SOCS4: variants seen among roughly 807,000 people sequenced by gnomAD.
The protein encoded by SOCS4 is suppressor of cytokine signaling 4.
Under a neutral mutation model 34.1 loss-of-function variants are expected in SOCS4, and 20 were observed. The ratio of observed to expected loss-of-function variants is 0.59; its 90% confidence interval spans 0.41 to 0.85. The LOEUF (loss-of-function observed/expected upper bound fraction) is 0.85, where lower values mean the gene tolerates loss of function less well. Ranked by LOEUF, SOCS4 falls within the 40% of genes least tolerant of loss-of-function variation. SOCS4 has a pLI of 0.00. For missense variants in SOCS4, 479 were observed against 532.4 expected, an observed-to-expected ratio of 0.90 and a Z score of 0.99; for synonymous variants, 180 against 186.4, an observed-to-expected ratio of 0.97 and a Z score of 0.28.
chr14:55,044,320 A>G lies in SOCS4; in HGVS notation c.1279A>G (p.Lys427Glu). Reference sequence around the variant, plus strand: ...TCTGAAGGAATATCATTATAAATCAAAAGTTAGAGTACTCAGGATTGATGC... The same window carrying G: ...TCTGAAGGAATATCATTATAAATCAGAAGTTAGAGTACTCAGGATTGATGC... ...LYLKEYHYKS[K>E]VRVLRIDAPE... is the part of the protein sequence containing the mutation. The change falls in exon 3 of 3, where the codon AAA (lysine) becomes GAA (glutamate). Residue 427 changes from lysine to glutamate, a missense_variant. By Grantham distance (56) the Lys-to-Glu change is moderately conservative. Transcript: ENST00000555846. 2 of 1,613,504 alleles carry G rather than the reference A, an allele frequency of 1.2e-6. No individual in the cohort carries two copies. The highest frequency in any genetic ancestry group is 1.7e-6 in the Non-Finnish European group (2 of 1,179,620).
At chr14:55,040,540 C>G (rs778192431) in intron 2 of SOCS4, among the ~76,000 whole-genome samples, 31 of 152,098 alleles carry the variant, frequency 2.0e-4, no homozygotes, top group Non-Finnish European at 4.0e-4. Flanking sequence ...GTCAGGAGAT[C>G]GAGACCATCC....
At position 55,044,338 on chromosome 14, in the gene SOCS4, A is replaced by T; in HGVS notation, c.1297A>T (p.Ile433Phe). The T allele has an allele frequency of 6.2e-7, 1 of 1,611,602 alleles. No individual in the cohort carries two copies. The highest frequency in any genetic ancestry group is 8.5e-7 in the Non-Finnish European group (1 of 1,178,430). Residue 433 changes from isoleucine to phenylalanine, a missense_variant, in exon 3 of 3, where the codon ATT (isoleucine) becomes TTT (phenylalanine). Ile to Phe is a conservative substitution (Grantham distance 21). Transcript: ENST00000555846. ...TAAATCAAAAGTTAGAGTACTCAGG[A>T]TTGATGCACCAGAACAGCAATGCTA... ...HYKSKVRVLRIDAPEQQC is the reference protein window; with the variant it reads ...HYKSKVRVLRFDAPEQQC
intron 2 of SOCS4, among the ~76,000 whole-genome samples, chr14:55,034,859 G>GT (rs755547542): frequency 0.027 from 3,502 of 131,660 alleles, 107 homozygotes; most frequent in African/African-American, 0.071. Flanking sequence ...CTCTCTCTCT[G>GT]TTTTTTTTTT....
intron 2 of SOCS4, among the ~76,000 whole-genome samples, chr14:55,037,214 G>A (rs927103306): frequency 6.6e-6 from 1 of 151,072 alleles, no homozygotes; most frequent in African/African-American, 2.4e-5. Context: ...GCATGATCTC[G>A]GCTCACCACA....
intron 2 of SOCS4, among the ~76,000 whole-genome samples, chr14:55,037,778 G>C (rs904274677): frequency 6.6e-6 from 1 of 152,208 alleles, no homozygotes; most frequent in African/African-American, 2.4e-5. Flanking sequence ...ACAGGCATGA[G>C]CCACTGTGCC....
chr14:55,041,720 G>A (rs10146096), intron 2 of SOCS4, among the ~76,000 whole-genome samples: 2,941 of 143,986 alleles, frequency 0.02, 91 homozygotes, highest in African/African-American at 0.072. Context: ...TGATCCACCC[G>A]CCTCAGCCTC....
At chr14:55,033,703 C>T (rs949948809) in intron 2 of SOCS4, among the ~76,000 whole-genome samples, 17 of 152,344 alleles carry the variant, frequency 1.1e-4, no homozygotes, top group African/African-American at 3.8e-4. Context: ...AGTTCAACAA[C>T]TTATGTAAGT....
intron 2 of SOCS4, among the ~76,000 whole-genome samples, chr14:55,033,950 A>G (rs561126389): frequency 3.1e-4 from 47 of 152,214 alleles, no homozygotes; most frequent in Non-Finnish European, 6.0e-4. Flanking sequence ...CCTGGCCAAC[A>G]TGGTGAAACC....
In SOCS4 at chr14:55,031,133, A is replaced by G. The variant is rs1266708096; in HGVS notation, c.-219-730A>G. 5.9e-5 allele frequency among the ~76,000 whole-genome samples: 9 copies of G among 152,218 alleles called. 1 individual carries two copies. Among genetic ancestry groups the G allele is most frequent in the Admixed American group, 5.9e-4 (9 of 15,280 alleles). On this transcript the variant is annotated intron_variant, in intron 1 of 2. Transcript: ENST00000555846. ...AAAATAAATCTGTTCAATCTAATTT[A>G]TTCCATAAAATGGTTCAGTATTATA...
At chr14:55,032,058 A>G (rs913977577) in intron 2 of SOCS4, 67 bp downstream of exon 2, 4 of 152,212 alleles carry the variant, frequency 2.6e-5, no homozygotes, top group African/African-American at 9.7e-5. Context: ...GAATAATAAT[A>G]TATTTGTGAA....
At chr14:55,033,712 G>A (rs1026956171) in intron 2 of SOCS4, among the ~76,000 whole-genome samples, 3 of 152,218 alleles carry the variant, frequency 2.0e-5, no homozygotes, top group African/African-American at 7.2e-5. Flanking sequence ...ACTTATGTAA[G>A]TACTTTGTCT....
Position 55,048,348 on chromosome 14 carries a change from A to G in SOCS4, c.*3984A>G, listed in dbSNP as rs947731350. On this transcript the variant is annotated 3_prime_UTR_variant, in exon 3 of 3. Coordinates refer to ENST00000555846, the MANE Select transcript of SOCS4 (RefSeq NM_199421.2). ...TTCACAGGAAAATAGACAAAATTAT[A>G]AGAGATTCCTGGAGACAACACAAGG... The G allele has an allele frequency of 6.0e-6, 1 of 167,132 alleles. No homozygotes were observed. The highest frequency in any genetic ancestry group is 2.4e-5 in the African/African-American group (1 of 41,482). The allele number at this position is 167,132 out of a possible 1,614,324, so 10.4% of individuals were successfully genotyped here. A position where few individuals can be genotyped will look rare whatever the true frequency, so the allele number is the denominator to read the frequency against.
intron 2 of SOCS4, among the ~76,000 whole-genome samples, chr14:55,041,247 C>T (rs376334794): frequency 2.6e-5 from 4 of 152,260 alleles, no homozygotes; most frequent in East Asian, 3.9e-4. Context: ...AAACACTTGA[C>T]AGTCATATTT....
chr14:55,032,122 T>C (rs2042533938), intron 2 of SOCS4, 131 bp downstream of exon 2: 1 of 152,228 alleles, frequency 6.6e-6, no homozygotes, highest in African/African-American at 2.4e-5. Flanking sequence ...TATTCCAATT[T>C]AGTATTTACA....
chr14:55,043,846 G>GATT lies in SOCS4; in HGVS notation c.808_810dup (p.Tyr270dup). 6.2e-7 allele frequency: 1 copy of GATT among 1,614,184 alleles called. No homozygotes were observed. Reference sequence around the variant, plus strand: ...ACCTCCTAAATACCACACGCAGATTGATTATGTCCACTGTCTTGTACCAGA... The same window carrying GATT: ...ACCTCCTAAATACCACACGCAGATTGATTATTATGTCCACTGTCTTGTACCAGA... On this transcript the variant is annotated inframe_insertion, in exon 3 of 3. Coordinates refer to ENST00000555846, the MANE Select transcript of SOCS4 (RefSeq NM_199421.2).
In SOCS4 at chr14:55,043,443, C is replaced by G; in HGVS notation, c.402C>G (p.Phe134Leu). The change falls in exon 3 of 3, where the codon TTC becomes TTG. Residue 134 changes from phenylalanine (F) to leucine (L), a missense_variant. By Grantham distance (22) the Phe-to-Leu change is conservative. Coordinates refer to ENST00000555846, the MANE Select transcript of SOCS4 (RefSeq NM_199421.2). ...AACTCATGTTAGATAAGTGTCCTTT[C>G]CCACCTCGATCAGATTTAGCCTTTA... is the stretch of plus-strand genomic sequence containing the variant. ...ISELMLDKCP[F>L]PPRSDLAFRW... 6.2e-7 allele frequency: 1 copy of G among 1,614,156 alleles called. No individual in the cohort carries two copies. The highest frequency in any genetic ancestry group is 1.1e-5 in the South Asian group (1 of 91,080).
chr14:55,044,323 G>C lies in SOCS4; in HGVS notation c.1282G>C (p.Val428Leu). Reference protein sequence around the residue: ...YLKEYHYKSKVRVLRIDAPEQ... With the variant: ...YLKEYHYKSKLRVLRIDAPEQ... ...GAAGGAATATCATTATAAATCAAAA[G>C]TTAGAGTACTCAGGATTGATGCACC... Residue 428 changes from valine (V) to leucine (L), a missense_variant, in exon 3 of 3, where the codon GTT becomes CTT. Val to Leu is a conservative substitution (Grantham distance 32). Coordinates refer to ENST00000555846, the MANE Select transcript of SOCS4 (RefSeq NM_199421.2). 1 of 1,613,092 alleles carries C rather than the reference G, an allele frequency of 6.2e-7. No homozygotes were observed. Among genetic ancestry groups the C allele is most frequent in the Non-Finnish European group, 8.5e-7 (1 of 1,179,566 alleles).
chr14:55,035,118 C>G (rs1245617053), intron 2 of SOCS4, among the ~76,000 whole-genome samples: 1 of 152,178 alleles, frequency 6.6e-6, no homozygotes, highest in Non-Finnish European at 1.5e-5. Flanking sequence ...ACCTCGGCCT[C>G]CCAAAGTACT....
In SOCS4 at chr14:55,048,348, AAG is replaced by A. The variant is rs1344664719; in HGVS notation, c.*3988_*3989del. The A allele has an allele frequency of 2.4e-5, 4 of 167,132 alleles. No individual in the cohort carries two copies. Among genetic ancestry groups the A allele is most frequent in the Admixed American group, 6.5e-5 (1 of 15,298 alleles). The allele number at this position is 167,132 out of a possible 1,614,324, so 10.4% of individuals were successfully genotyped here. ...TTCACAGGAAAATAGACAAAATTATAAGAGATTCCTGGAGACAACACAAGGAA... is the reference window on the plus strand; with the variant it reads ...TTCACAGGAAAATAGACAAAATTATAAGATTCCTGGAGACAACACAAGGAA... On this transcript the variant is annotated 3_prime_UTR_variant, in exon 3 of 3. Transcript: ENST00000555846.
Sources: gnomAD v4.1 joint callset for allele counts (sites outside exome capture counted in the v4.1 genomes callset) on GRCh38, gnomAD v4.1.1 for gene constraint, MANE v1.5 for transcripts, NCBI Gene and HGNC (gene_info 2026-07-23, HGNC 2026-07-21) for gene names.